Variants in NUP214 observed in about 807,000 individuals in gnomAD.
NUP214 encodes nucleoporin 214.
NUP214 carries 79 observed loss-of-function variants against 196.2 expected under a neutral mutation model. That is an observed-to-expected ratio of 0.40 (90% confidence interval 0.34 to 0.49). The LOEUF (loss-of-function observed/expected upper bound fraction) is 0.49. Ranked by LOEUF, NUP214 falls within the 20% of genes least tolerant of loss-of-function variation. The pLI is 0.58. For synonymous variants in NUP214, 1,020 were observed against 990.5 expected (o/e 1.03, Z -0.56); for missense variants, 2,468 against 2,539.0 (o/e 0.97, Z 0.60).
At chr9:131,174,442 TTTTTC>T in intron 22 of NUP214, 124 bp downstream of exon 22, 10 of 543,524 alleles carry the variant, frequency 1.8e-5, no homozygotes, top group Non-Finnish European at 2.1e-5. Flanking sequence ...CTTTTTTTTT[TTTTTC>T]TTTTTTTCTT....
intron 3 of NUP214, 62 bp downstream of exon 3, chr9:131,128,545 A>G: frequency 1.4e-6 from 2 of 1,434,868 alleles, no homozygotes; most frequent in South Asian, 2.8e-5. Context: ...CTTGTATTGA[A>G]TTACAACTTG....
intron 20 of NUP214, 32 bp downstream of exon 20, chr9:131,163,987 C>G (rs1194698413): frequency 6.2e-7 from 1 of 1,612,200 alleles, no homozygotes; most frequent in Admixed American, 1.7e-5. Context: ...TTTTAACTCC[C>G]TTTATTCTCT....
intron 27 of NUP214, 30 bp from the exon 28 acceptor site, chr9:131,195,203 C>T (rs747603074): frequency 3.4e-5 from 53 of 1,558,968 alleles, no homozygotes; most frequent in Non-Finnish European, 4.5e-5. Flanking sequence ...TGGTTTGTTC[C>T]TTTTTAATTT....
Position 131,163,799 on chromosome 9 carries a change from A to C in NUP214, c.2724-71A>C. On this transcript the variant is annotated intron_variant, in intron 19 of 35. Transcript: ENST00000359428. ...ATGTCTTGCATTTATATTTAAGAGG[A>C]TAGTGTACCCCCGACAGCCTCCGAT... 2 of 1,041,536 alleles carry C rather than the reference A, an allele frequency of 1.9e-6. 1 individual carries two copies. Among genetic ancestry groups the C allele is most frequent in the South Asian group, 2.7e-5 (2 of 73,962 alleles). 64.5% of individuals were successfully genotyped at this position (1,041,536 alleles called of 1,614,324 possible).
In NUP214 at chr9:131,129,159, AT is replaced by A. The variant is rs201997896; in HGVS notation, c.394-119del. 1.2e-3 allele frequency: 981 copies of A among 822,632 alleles called. 10 individuals are homozygous for A. In the African/African-American group the frequency reaches 0.015, roughly 13 times the overall value. 51.0% of individuals were successfully genotyped at this position (822,632 alleles called of 1,614,324 possible). A position where few individuals can be genotyped will look rare whatever the true frequency, so the allele number is the denominator to read the frequency against. On this transcript the variant is annotated intron_variant, in intron 3 of 35. Transcript: ENST00000359428. ...CATAAAACAATCTTTTTTTATGGTTATGGAGAAAAATAAACTGATTTGAGAT... is the reference window on the plus strand; with the variant it reads ...CATAAAACAATCTTTTTTTATGGTTAGGAGAAAAATAAACTGATTTGAGAT...
At chr9:131,165,593 A>C (rs776775146) in intron 21 of NUP214, among the ~76,000 whole-genome samples, 1 of 152,196 alleles carries the variant, frequency 6.6e-6, no homozygotes, top group Non-Finnish European at 1.5e-5. Flanking sequence ...AAATGTGATT[A>C]CTGGATGATC....
At chr9:131,195,511 C>A (rs1329727458) in intron 28 of NUP214, 3 of 476,570 alleles carry the variant, frequency 6.3e-6, no homozygotes, top group Non-Finnish European at 1.1e-5. Context: ...AAAGGATTTG[C>A]TTCTAGAAAA....
At position 131,183,233 on chromosome 9, in the gene NUP214, C is replaced by T. The variant is rs12004846; in HGVS notation, c.3420-4056C>T. Among the ~76,000 whole-genome samples the T allele has an allele frequency of 1.3e-3, 203 of 152,138 alleles. 1 individual carries two copies. Among genetic ancestry groups the T allele is most frequent in the Middle Eastern group, 6.8e-3 (2 of 294 alleles). Reference sequence around the variant, plus strand: ...CCTAGTAGCTGGGATTACAGGTGCCCACCATCACACCTGGCTAATTTTTAT... The same window carrying T: ...CCTAGTAGCTGGGATTACAGGTGCCTACCATCACACCTGGCTAATTTTTAT... On this transcript the variant is annotated intron_variant, in intron 24 of 35. Coordinates refer to ENST00000359428, the MANE Select transcript of NUP214 (RefSeq NM_005085.4).
At chr9:131,143,428 C>T (rs545866827) in intron 11 of NUP214, among the ~76,000 whole-genome samples, 3 of 151,662 alleles carry the variant, frequency 2.0e-5, no homozygotes, top group African/African-American at 7.3e-5. Context: ...CTGTTTTTTA[C>T]AGTTTTTTAT....
intron 32 of NUP214, 55 bp downstream of exon 32, chr9:131,222,985 T>TAGATGTCTCCTTCC: frequency 1.3e-6 from 2 of 1,549,134 alleles, no homozygotes; most frequent in Non-Finnish European, 1.8e-6. Flanking sequence ...TGTTTATGCA[T>TAGATGTCTCCTTCC]AGATATCTGG....
intron 31 of NUP214, among the ~76,000 whole-genome samples, chr9:131,217,165 C>G (rs918894578): frequency 6.6e-6 from 1 of 152,184 alleles, no homozygotes; most frequent in Non-Finnish European, 1.5e-5. Flanking sequence ...CTGGGCAACA[C>G]AGCAAGTCCC....
Position 131,125,959 on chromosome 9 carries a change from T to C in NUP214, c.45+210T>C. 1 of 613,500 alleles carries C rather than the reference T, an allele frequency of 1.6e-6. No individual in the cohort carries two copies. The highest frequency in any genetic ancestry group is 2.8e-6 in the Non-Finnish European group (1 of 352,096). The allele number at this position is 613,500 out of a possible 1,614,324, so 38.0% of individuals were successfully genotyped here. On this transcript the variant is annotated intron_variant, in intron 1 of 35. Coordinates refer to ENST00000359428, the MANE Select transcript of NUP214 (RefSeq NM_005085.4). The surrounding 1 kb of genome is among the most constrained non-coding windows in gnomAD (Gnocchi z 4.1). ...GTCCCATCCTGGTCTCGTGCACGGC[T>C]GTTGAGTTACCCTAGCTACTTCCTG...
At position 131,233,635 on chromosome 9, in the gene NUP214, C is replaced by A. The variant is rs1002199887; in HGVS notation, c.*148C>A. The A allele has an allele frequency of 8.8e-6, 7 of 797,382 alleles. No homozygotes were observed. Among genetic ancestry groups the A allele is most frequent in the Non-Finnish European group, 1.5e-5 (7 of 473,388 alleles). 49.4% of individuals were successfully genotyped at this position (797,382 alleles called of 1,614,324 possible). On this transcript the variant is annotated 3_prime_UTR_variant, in exon 36 of 36. Coordinates refer to ENST00000359428, the MANE Select transcript of NUP214 (RefSeq NM_005085.4). ...ACAACAGAAACCAAAACTCACAAGG[C>A]GCATGATTACTTGTTTTATATTTCA...
chr9:131,146,032 AAAAGATAATAAGTTAT>A lies in NUP214; in HGVS notation c.1770-96_1770-81del. On this transcript the variant is annotated intron_variant, in intron 12 of 35. Coordinates refer to ENST00000359428, the MANE Select transcript of NUP214 (RefSeq NM_005085.4). This position sits in a 1 kb window ranked among gnomAD's most constrained non-coding sequence, Gnocchi z 4.6. ...GTATGTTATCTTTGTAAGTTAACAT[AAAAGATAATAAGTTAT>A]CTTTTGATGACATTGCTCATGCTAG... 1 of 1,161,112 alleles carries A rather than the reference AAAAGATAATAAGTTAT, an allele frequency of 8.6e-7. No individual in the cohort carries two copies. The highest frequency in any genetic ancestry group is 1.2e-6 in the Non-Finnish European group (1 of 815,506). The allele number at this position is 1,161,112 out of a possible 1,614,324, so 71.9% of individuals were successfully genotyped here. A position where few individuals can be genotyped will look rare whatever the true frequency, so the allele number is the denominator to read the frequency against.
chr9:131,164,250 GTA>G (rs1832723160), intron 21 of NUP214, 106 bp downstream of exon 21: 1 of 927,642 alleles, frequency 1.1e-6, no homozygotes, highest in Non-Finnish European at 1.7e-6. Context: ...AGGGTGCTGT[GTA>G]TGTGTGTGTA....
In NUP214 at chr9:131,140,623, A is replaced by G. The variant is rs1323422983; in HGVS notation, c.1207A>G (p.Met403Val). 1.9e-6 allele frequency: 3 copies of G among 1,613,994 alleles called. No homozygotes were observed. Among genetic ancestry groups the G allele is most frequent in the Non-Finnish European group, 2.5e-6 (3 of 1,179,916 alleles). Residue 403 changes from methionine (M) to valine (V), a missense_variant, in exon 11 of 36, where the codon ATG (methionine) becomes GTG (valine). Transcript: ENST00000359428. ...AGATGGTGTGCTTTGTCCATTTTAT[A>G]TGATTAATCAAAATCCTGGGGTTAA... ...STDGVLCPFY[M>V]INQNPGVKSL...
intron 22 of NUP214, 113 bp downstream of exon 22, chr9:131,174,431 AC>A: frequency 5.9e-5 from 39 of 666,186 alleles, no homozygotes; most frequent in South Asian, 2.8e-4. Context: ...GCTCCAGCCC[AC>A]TTTTTTTTTT....
Position 131,225,488 on chromosome 9 carries a change from A to G in NUP214, c.5902+2558A>G, listed in dbSNP as rs79769168. Among the ~76,000 whole-genome samples the G allele has an allele frequency of 2.3e-3, 349 of 152,344 alleles. 4 individuals carry two copies. The highest frequency in any genetic ancestry group is 6.4e-3 in the African/African-American group (267 of 41,590). The stretch of plus-strand genomic sequence containing the variant: ...GAGAAAATGTATGCCCCAACTTTTC[A>G]TAGTAAGTACTTATTTGCCCCATGA... On this transcript the variant is annotated intron_variant, in intron 32 of 35. Transcript: ENST00000359428.
At position 131,205,010 on chromosome 9, in the gene NUP214, CTA is replaced by C. The variant is rs554836068; in HGVS notation, c.5592+3296_5592+3297del. Among the ~76,000 whole-genome samples, 359 of 152,258 alleles carry C rather than the reference CTA, an allele frequency of 2.4e-3. 4 individuals carry two copies. Among genetic ancestry groups the C allele is most frequent in the African/African-American group, 8.3e-3 (345 of 41,554 alleles). ...ATTTCTAAATCCAGCAAAAAAATAT[CTA>C]TAAAGAATGAAGAGAAATCAAGACT... On this transcript the variant is annotated intron_variant, in intron 30 of 35. Coordinates refer to ENST00000359428, the MANE Select transcript of NUP214 (RefSeq NM_005085.4).
Sources: allele counts gnomAD v4.1 joint callset (sites outside exome capture counted in the v4.1 genomes callset), GRCh38; gene constraint gnomAD v4.1.1; non-coding constraint Gnocchi (gnomAD v3.1); transcripts MANE v1.5; gene names NCBI Gene and HGNC (gene_info 2026-07-23, HGNC 2026-07-21).